Variants in DCUN1D2 observed in about 807,000 individuals in gnomAD.
DCUN1D2 encodes DCN1-like protein 2.
DCUN1D2 carries 29 observed loss-of-function variants against 30.9 expected under a neutral mutation model. The ratio of observed to expected loss-of-function variants is 0.94; its 90% CI spans 0.70 to 1.28. DCUN1D2 has a LOEUF of 1.28. Among genes scored for constraint, DCUN1D2 ranks in the 50% most tolerant of loss-of-function variants. The pLI is 0.00. For synonymous variants in DCUN1D2, 121 were observed against 115.3 expected, an observed-to-expected ratio of 1.05 and a Z score of -0.32; for missense variants, 325 against 316.9, an observed-to-expected ratio of 1.03 and a Z score of -0.19.
chr13:113,482,727 G>A (rs572835102), intron 2 of DCUN1D2, among the ~76,000 whole-genome samples: 41 of 152,326 alleles, frequency 2.7e-4, no homozygotes, highest in African/African-American at 9.4e-4. Flanking sequence ...GGTGGATCAT[G>A]AGGTCAAGAG....
At chr13:113,464,561 C>T (rs540163955) in intron 4 of DCUN1D2, among the ~76,000 whole-genome samples, 7 of 152,310 alleles carry the variant, frequency 4.6e-5, no homozygotes, top group African/African-American at 9.6e-5. Context: ...GTGGTGGCAC[C>T]GAGTGGAAGG....
chr13:113,475,599 C>T (rs1172201116), intron 3 of DCUN1D2, among the ~76,000 whole-genome samples: 1 of 152,138 alleles, frequency 6.6e-6, no homozygotes, highest in Non-Finnish European at 1.5e-5. Flanking sequence ...TCAAGGGTGG[C>T]GGCTGGGCCA....
chr13:113,483,940 G>C lies in DCUN1D2; in HGVS notation c.120C>G (p.Ala40=), dbSNP rs768048862. 7 of 1,614,132 alleles carry C rather than the reference G, an allele frequency of 4.3e-6. No individual in the cohort carries two copies. In the East Asian group the frequency reaches 1.6e-4, roughly 36 times the overall value. The change falls in exon 2 of 7, where the codon GCC becomes GCG. Residue 40 remains alanine (A), a synonymous_variant. Transcript: ENST00000478244. Reference sequence around the variant, plus strand: ...CTGGGTTTTGGAAGAAGCTGTCCGTGGCCTCGTCTAGTCTCCACTCATTCT... The same window carrying C: ...CTGGGTTTTGGAAGAAGCTGTCCGTCGCCTCGTCTAGTCTCCACTCATTCT... ...LTQNEWRLDE[A]TDSFFQNPDS... is the part of the protein sequence containing the mutation.
chr13:113,473,024 C>T (rs943315577), intron 4 of DCUN1D2, among the ~76,000 whole-genome samples: 3 of 139,946 alleles, frequency 2.1e-5, no homozygotes, highest in Non-Finnish European at 3.1e-5. Context: ...CTCTCTATCC[C>T]GTGTCTCTGC....
At chr13:113,478,263 T>A (rs895962389) in intron 3 of DCUN1D2, among the ~76,000 whole-genome samples, 1 of 152,218 alleles carries the variant, frequency 6.6e-6, no homozygotes, top group Non-Finnish European at 1.5e-5. Context: ...TTTCTTCATG[T>A]GTCAGTTTTA....
intron 2 of DCUN1D2, 49 bp downstream of exon 2, chr13:113,483,791 C>T: frequency 1.3e-6 from 2 of 1,579,486 alleles, no homozygotes; most frequent in East Asian, 2.2e-5. Flanking sequence ...GCGCGCAGGC[C>T]GCTCGCGGAG....
At chr13:113,487,314 T>C (rs1244589280) in intron 1 of DCUN1D2, among the ~76,000 whole-genome samples, 2 of 152,246 alleles carry the variant, frequency 1.3e-5, no homozygotes, top group Non-Finnish European at 2.9e-5. Flanking sequence ...TCATCGTTGC[T>C]AGATTTAAAA....
At chr13:113,468,198 A>G (rs2044439832) in intron 4 of DCUN1D2, among the ~76,000 whole-genome samples, 1 of 152,206 alleles carries the variant, frequency 6.6e-6, no homozygotes, top group African/African-American at 2.4e-5. Flanking sequence ...CACACAGGGA[A>G]TATTATTCAA....
chr13:113,462,627 G>C (rs1029700457), intron 4 of DCUN1D2: 3 of 440,508 alleles, frequency 6.8e-6, no homozygotes, highest in Non-Finnish European at 9.1e-6. Context: ...CGTGTGCAAA[G>C]GCTTCATGAC....
At chr13:113,479,845 C>A (rs111350276) in intron 3 of DCUN1D2, among the ~76,000 whole-genome samples, 1 of 152,162 alleles carries the variant, frequency 6.6e-6, no homozygotes, top group African/African-American at 2.4e-5. Context: ...TAACTGGATG[C>A]GCTATGCTTT....
intron 4 of DCUN1D2, among the ~76,000 whole-genome samples, chr13:113,463,746 A>C (rs2044356268): frequency 6.6e-6 from 1 of 152,012 alleles, no homozygotes. Flanking sequence ...AGACACACAC[A>C]GATACCCACA....
At chr13:113,489,641 C>T (rs1174171190) in intron 1 of DCUN1D2, among the ~76,000 whole-genome samples, 1 of 152,154 alleles carries the variant, frequency 6.6e-6, no homozygotes. Context: ...TCCGGTGGCT[C>T]TCTGTGCCTT....
rs113372345 is a variant in DCUN1D2, at chr13:113,488,134, C to T, written c.3+2533G>A. On this transcript the variant is annotated intron_variant, in intron 1 of 6. Transcript: ENST00000478244. This position sits in a 1 kb window ranked among gnomAD's most constrained non-coding sequence, Gnocchi z 4.3. Reference sequence around the variant, plus strand: ...TGCAGGAGCACATGGATCCAGGCCACTCAAAATGGCTTTGAATCACTACTG... The same window carrying T: ...TGCAGGAGCACATGGATCCAGGCCATTCAAAATGGCTTTGAATCACTACTG... 8.5e-5 allele frequency among the ~76,000 whole-genome samples: 13 copies of T among 152,332 alleles called. No homozygotes were observed. The highest frequency in any genetic ancestry group is 2.9e-4 in the African/African-American group (12 of 41,572).
At chr13:113,464,681 G>A (rs991307622) in intron 4 of DCUN1D2, among the ~76,000 whole-genome samples, 4 of 152,258 alleles carry the variant, frequency 2.6e-5, no homozygotes, top group African/African-American at 4.8e-5. Flanking sequence ...GGAGGCCCAC[G>A]TGGGGCAGCT....
intron 5 of DCUN1D2, 78 bp from the exon 6 acceptor site, chr13:113,459,486 G>C (rs111346369): frequency 2.9e-6 from 2 of 692,004 alleles, no homozygotes; most frequent in African/African-American, 3.6e-5. Flanking sequence ...GTGGCCTAGC[G>C]ATCTTCAATT....
intron 4 of DCUN1D2, among the ~76,000 whole-genome samples, chr13:113,467,603 A>G (rs1405812203): frequency 6.6e-6 from 1 of 152,112 alleles, no homozygotes; most frequent in African/African-American, 2.4e-5. Flanking sequence ...GAAAACAGCA[A>G]TTGTTGTCAG....
At chr13:113,473,012 ATC>A (rs1464042352) in intron 4 of DCUN1D2, among the ~76,000 whole-genome samples, 8 of 59,204 alleles carry the variant, frequency 1.4e-4, no homozygotes, top group African/African-American at 5.4e-4. Context: ...TCTGTCCCCC[ATC>A]TCTCTATCCC....
intron 4 of DCUN1D2, chr13:113,462,629 CT>C: frequency 4.1e-6 from 2 of 482,028 alleles, no homozygotes; most frequent in Non-Finnish European, 5.4e-6. Context: ...TGTGCAAAGG[CT>C]TCATGACCAA....
chr13:113,466,162 A>C (rs1187830408), intron 4 of DCUN1D2, among the ~76,000 whole-genome samples: 1 of 152,176 alleles, frequency 6.6e-6, no homozygotes, highest in Non-Finnish European at 1.5e-5. Flanking sequence ...GGTGTGAGCC[A>C]CCACACTCGG....
Sources: gnomAD v4.1 joint callset for allele counts (sites outside exome capture counted in the v4.1 genomes callset) on GRCh38, gnomAD v4.1.1 for gene constraint, Gnocchi (gnomAD v3.1) non-coding constraint, MANE v1.5 for transcripts, NCBI Gene and HGNC (gene_info 2026-07-23, HGNC 2026-07-21) for gene names.